The following CNOT6 variants were observed in gnomAD, a reference collection of about 807,000 sequenced individuals.
CNOT6 encodes the protein carbon catabolite repression 4 protein.
A neutral mutation model predicts 61.2 loss-of-function variants in CNOT6; 12 were observed. The observed-to-expected ratio is 0.20, with a 90% CI of 0.13 to 0.32. The LOEUF (loss-of-function observed/expected upper bound fraction) is 0.32. Ranked by LOEUF, CNOT6 falls within the 10% of genes least tolerant of loss-of-function variation. The pLI is 1.00. For synonymous variants in CNOT6, 225 were observed against 240.6 expected (o/e 0.94, Z 0.60); for missense variants, 405 against 663.9 (o/e 0.61, Z 4.28).
intron 2 of CNOT6, among the ~76,000 whole-genome samples, chr5:180,549,648 CA>C (rs372152764): frequency 5.4e-4 from 73 of 134,554 alleles, no homozygotes; most frequent in Non-Finnish European, 6.5e-4. Flanking sequence ...GACTCCGTTT[CA>C]AAAAAAAAAA....
At position 180,577,163 on chromosome 5, in the gene CNOT6, A is replaced by ATGTGTGTGTGTGTGTGTGTGTGTG. The variant is rs1248640861; in HGVS notation, c.*2973_*2996dup. ...AGATAGGCAGAGAACATCTCCAGAA[A>ATGTGTGTGTGTGTGTGTGTGTGTG]TGTGTGTGTGTGTGTGTGTGTGTGT... On this transcript the variant is annotated 3_prime_UTR_variant, in exon 12 of 12. Transcript: ENST00000261951. 9.5e-4 allele frequency: 138 copies of ATGTGTGTGTGTGTGTGTGTGTGTG among 145,744 alleles called. No homozygotes were observed. Among genetic ancestry groups the ATGTGTGTGTGTGTGTGTGTGTGTG allele is most frequent in the Middle Eastern group, 3.5e-3 (1 of 288 alleles). 9.0% of individuals were successfully genotyped at this position (145,744 alleles called of 1,614,324 possible).
chr5:180,552,773 T>G (rs981917834), intron 3 of CNOT6, among the ~76,000 whole-genome samples: 4 of 152,228 alleles, frequency 2.6e-5, no homozygotes, highest in Non-Finnish European at 5.9e-5. Flanking sequence ...TTGATATTTA[T>G]ATCATGATTA....
At chr5:180,562,243 A>G (rs779032024) in intron 4 of CNOT6, among the ~76,000 whole-genome samples, 5 of 152,184 alleles carry the variant, frequency 3.3e-5, no homozygotes, top group Non-Finnish European at 7.3e-5. Context: ...TACACATAAT[A>G]TACAGTGCTT....
In CNOT6 at chr5:180,510,715, G is replaced by A. The variant is rs1757352026; in HGVS notation, c.-3+15952G>A. ...TAAAAGTTTTAATATACCTATAAATGAATTGTCATTTAGATTGTATTCAAA... is the reference window on the plus strand; with the variant it reads ...TAAAAGTTTTAATATACCTATAAATAAATTGTCATTTAGATTGTATTCAAA... On this transcript the variant is annotated intron_variant, in intron 1 of 11. Transcript: ENST00000261951. 3.9e-5 allele frequency among the ~76,000 whole-genome samples: 6 copies of A among 152,222 alleles called. No homozygotes were observed. The South Asian group carries it at 1.2e-3, about 32-fold the overall frequency.
rs765939936 is a variant in CNOT6 at position 180,567,942 on chromosome 5, A to G, written c.966A>G (p.Thr322=). ...GSEAMLNRVM[T]KDNIGVAVLL... ...AAGCTATGCTGAACAGAGTCATGAC[A>G]AAAGATAACATTGGGGTTGCAGTAC... Residue 322 remains threonine, a synonymous_variant, in exon 9 of 12, where the codon ACA becomes ACG. Transcript: ENST00000261951. The G allele has an allele frequency of 1.9e-5, 30 of 1,614,040 alleles. No individual in the cohort carries two copies. Among genetic ancestry groups the G allele is most frequent in the Non-Finnish European group, 2.5e-5 (29 of 1,179,892 alleles).
At chr5:180,534,646 A>G (rs1357883544) in intron 2 of CNOT6, 1 of 151,542 alleles carries the variant, frequency 6.6e-6, no homozygotes, top group African/African-American at 2.4e-5. Flanking sequence ...CCACCATGGC[A>G]TGGGCCGGAG....
chr5:180,530,481 T>G (rs1258059131), intron 2 of CNOT6, among the ~76,000 whole-genome samples: 1 of 151,994 alleles, frequency 6.6e-6, no homozygotes, highest in Admixed American at 6.6e-5. Flanking sequence ...ACCTGTTGAG[T>G]AAACTTAAAT....
At chr5:180,544,245 C>G (rs1759193495) in intron 2 of CNOT6, among the ~76,000 whole-genome samples, 1 of 152,204 alleles carries the variant, frequency 6.6e-6, no homozygotes, top group Non-Finnish European at 1.5e-5. Flanking sequence ...ACCATTCTAT[C>G]CCCATACCAG....
intron 1 of CNOT6, among the ~76,000 whole-genome samples, chr5:180,507,550 C>T (rs914128875): frequency 5.3e-5 from 8 of 152,120 alleles, no homozygotes; most frequent in African/African-American, 1.7e-4. Context: ...TGCAGTGAAC[C>T]GTGGTCACGC....
intron 2 of CNOT6, among the ~76,000 whole-genome samples, chr5:180,537,755 T>A (rs950687638): frequency 1.3e-5 from 2 of 152,020 alleles, no homozygotes; most frequent in African/African-American, 2.4e-5. Context: ...GTGGTTTTCC[T>A]CATATATAAT....
intron 4 of CNOT6, among the ~76,000 whole-genome samples, chr5:180,555,156 A>G (rs1027194879): frequency 2.0e-5 from 3 of 151,968 alleles, no homozygotes; most frequent in Admixed American, 2.0e-4. Flanking sequence ...ACAGGTACCC[A>G]CCACCATGCC....
intron 11 of CNOT6, among the ~76,000 whole-genome samples, chr5:180,572,033 C>T (rs2127768664): frequency 6.6e-6 from 1 of 152,168 alleles, no homozygotes; most frequent in East Asian, 1.9e-4. Context: ...TTCTTATATT[C>T]TCATTACTAA....
At chr5:180,509,086 C>T (rs1218901288) in intron 1 of CNOT6, among the ~76,000 whole-genome samples, 1 of 152,114 alleles carries the variant, frequency 6.6e-6, no homozygotes, top group Non-Finnish European at 1.5e-5. Context: ...TCCCAAAGTA[C>T]TGTGATTACA....
At chr5:180,541,396 C>G (rs929029801) in intron 2 of CNOT6, among the ~76,000 whole-genome samples, 1 of 147,448 alleles carries the variant, frequency 6.8e-6, no homozygotes, top group African/African-American at 2.5e-5. Flanking sequence ...CACGGCCTCC[C>G]GAAGTGCTGG....
intron 1 of CNOT6, among the ~76,000 whole-genome samples, chr5:180,524,075 C>T (rs1412856888): frequency 1.3e-5 from 2 of 152,074 alleles, no homozygotes; most frequent in Non-Finnish European, 2.9e-5. Context: ...TTGATTGTGC[C>T]AGGATCAGTA....
At chr5:180,511,441 C>T (rs1203839123) in intron 1 of CNOT6, among the ~76,000 whole-genome samples, 1 of 152,132 alleles carries the variant, frequency 6.6e-6, no homozygotes, top group East Asian at 1.9e-4. Context: ...GAAACCCCAT[C>T]TCTACTAAAA....
chr5:180,541,438 G>T (rs902035066), intron 2 of CNOT6, among the ~76,000 whole-genome samples: 5 of 54,466 alleles, frequency 9.2e-5, no homozygotes, highest in Middle Eastern at 0.015. Context: ...AACTGGCCAA[G>T]AAATTTTTTT....
intron 1 of CNOT6, among the ~76,000 whole-genome samples, chr5:180,508,121 TA>T (rs2127698815): frequency 7.8e-6 from 1 of 127,770 alleles, no homozygotes; most frequent in South Asian, 2.5e-4. Context: ...ACTGTTGGAA[TA>T]GCTCAGGTAA....
intron 2 of CNOT6, among the ~76,000 whole-genome samples, chr5:180,537,498 A>T (rs556114413): frequency 1.8e-4 from 27 of 151,672 alleles, no homozygotes; most frequent in African/African-American, 6.5e-4. Flanking sequence ...CAGTTTTAAG[A>T]GTTTTTTTTT....
Sources: gnomAD v4.1 joint callset for allele counts (sites outside exome capture counted in the v4.1 genomes callset) on GRCh38, gnomAD v4.1.1 for gene constraint, MANE v1.5 for transcripts, NCBI Gene and HGNC (gene_info 2026-07-23, HGNC 2026-07-21) for gene names.